Variants in LPAR1 observed in about 807,000 individuals in gnomAD.
LPAR1 encodes the protein lysophosphatidic acid receptor 1.
A neutral mutation model predicts 23.8 loss-of-function variants in LPAR1; 5 were observed. That is an observed-to-expected ratio of 0.21 (90% CI 0.11 to 0.44). The LOEUF (loss-of-function observed/expected upper bound fraction) is 0.44. Among genes scored for constraint, LPAR1 ranks in the 20% least tolerant of loss-of-function variants. The pLI, the probability that LPAR1 is intolerant of heterozygous loss-of-function variation, is 0.99. For synonymous variants in LPAR1, 160 were observed against 164.7 expected, an observed-to-expected ratio of 0.97 and a Z score of 0.22; for missense variants, 311 against 482.8, an observed-to-expected ratio of 0.64 and a Z score of 3.33.
chr9:110,941,031 AT>A lies in LPAR1; in HGVS notation c.793+389del. ...AATAACTATATATGGAAGCATATTCATATTCTACAAAAGCACTTTCTGTCTG... is the reference window on the plus strand; with the variant it reads ...AATAACTATATATGGAAGCATATTCAATTCTACAAAAGCACTTTCTGTCTG... On this transcript the variant is annotated intron_variant, in intron 5 of 5. Coordinates refer to ENST00000683809, the MANE Select transcript of LPAR1 (RefSeq NM_001351411.2). This position sits in a 1 kb window ranked among gnomAD's most constrained non-coding sequence, Gnocchi z 6.1. Among the ~76,000 whole-genome samples, 3 of 152,372 alleles carry A rather than the reference AT, an allele frequency of 2.0e-5. 1 individual carries two copies. In the South Asian group the frequency reaches 6.2e-4, roughly 32 times the overall value.
rs11356512 is a variant in LPAR1 at position 110,976,336 on chromosome 9, CAAAAAAA to C, written c.-181-2785_-181-2779del. On this transcript the variant is annotated intron_variant, in intron 2 of 5. Coordinates refer to ENST00000683809, the MANE Select transcript of LPAR1 (RefSeq NM_001351411.2). ...TGAAACCCCGTGTCTACTAAAAATA[CAAAAAAA>C]AAAAAAAAAAAATTTAGCCAGGCGT... is the stretch of plus-strand genomic sequence containing the variant. Among the ~76,000 whole-genome samples, 7 of 126,738 alleles carry C rather than the reference CAAAAAAA, an allele frequency of 5.5e-5. No homozygotes were observed. In the East Asian group the frequency reaches 8.3e-4, roughly 15 times the overall value. 83.1% of individuals were successfully genotyped at this position (126,738 alleles called of 152,430 possible).
chr9:110,938,700 A>AT (rs983923126), intron 5 of LPAR1, among the ~76,000 whole-genome samples: 2 of 125,680 alleles, frequency 1.6e-5, no homozygotes, highest in Admixed American at 1.7e-4. Context: ...CAAAAAAAAA[A>AT]GAAAAAAGAA....
At chr9:110,899,963 T>C (rs2088099312) in intron 5 of LPAR1, among the ~76,000 whole-genome samples, 1 of 152,222 alleles carries the variant, frequency 6.6e-6, no homozygotes, top group Non-Finnish European at 1.5e-5. Context: ...AATGTTTTCC[T>C]AGGGGCAAAG....
chr9:110,993,899 G>A (rs1388679588), intron 2 of LPAR1, among the ~76,000 whole-genome samples: 3 of 152,156 alleles, frequency 2.0e-5, no homozygotes, highest in Non-Finnish European at 2.9e-5. Flanking sequence ...GTACTCACTG[G>A]TCTAATTATT....
chr9:111,019,237 T>C (rs1015914885), intron 2 of LPAR1, among the ~76,000 whole-genome samples: 4 of 152,138 alleles, frequency 2.6e-5, no homozygotes, highest in South Asian at 4.1e-4. Context: ...TTTGGGAAGA[T>C]TGCTTGAGCC....
At chr9:110,974,355 T>C (rs1404158326) in intron 2 of LPAR1, among the ~76,000 whole-genome samples, 1 of 152,210 alleles carries the variant, frequency 6.6e-6, no homozygotes, top group Non-Finnish European at 1.5e-5. Flanking sequence ...ACTGTGGAGT[T>C]GGACATTTAA....
intron 2 of LPAR1, among the ~76,000 whole-genome samples, chr9:111,015,511 G>A (rs1389845332): frequency 6.6e-6 from 1 of 152,062 alleles, no homozygotes; most frequent in Admixed American, 6.6e-5. Flanking sequence ...AGAAGTAGAG[G>A]GTAGAATGAT....
At chr9:110,969,611 C>T (rs2096344904) in intron 4 of LPAR1, among the ~76,000 whole-genome samples, 1 of 151,746 alleles carries the variant, frequency 6.6e-6, no homozygotes, top group African/African-American at 2.4e-5. Flanking sequence ...ACTTGGGAGG[C>T]TGAGGCAGGA....
chr9:111,021,537 C>T (rs1416600419), intron 2 of LPAR1, among the ~76,000 whole-genome samples: 1 of 152,106 alleles, frequency 6.6e-6, no homozygotes, highest in Non-Finnish European at 1.5e-5. Context: ...TTAGATGCTG[C>T]ATATTTCTCC....
chr9:110,904,060 T>A (rs73655666), intron 5 of LPAR1, among the ~76,000 whole-genome samples: 17 of 152,150 alleles, frequency 1.1e-4, no homozygotes, highest in South Asian at 8.3e-4. Context: ...AAATTCTATA[T>A]CCAGGAAAAC....
chr9:110,893,214 A>G (rs1477425612), intron 5 of LPAR1, among the ~76,000 whole-genome samples: 3 of 152,212 alleles, frequency 2.0e-5, no homozygotes, highest in African/African-American at 4.8e-5. Flanking sequence ...TAAATGTACA[A>G]TGTCCTCTTT....
At chr9:110,981,026 T>C (rs999271797) in intron 2 of LPAR1, among the ~76,000 whole-genome samples, 10 of 152,130 alleles carry the variant, frequency 6.6e-5, no homozygotes, top group Non-Finnish European at 1.3e-4. Flanking sequence ...AGTAACTTTA[T>C]GTTTACATAT....
intron 5 of LPAR1, among the ~76,000 whole-genome samples, chr9:110,902,510 T>A (rs1255670781): frequency 6.6e-6 from 1 of 152,118 alleles, no homozygotes. Context: ...CCACTATGAT[T>A]GTTAAGTTTC....
intron 5 of LPAR1, among the ~76,000 whole-genome samples, chr9:110,920,035 T>C (rs984706075): frequency 2.0e-5 from 3 of 152,202 alleles, no homozygotes; most frequent in Non-Finnish European, 2.9e-5. Context: ...GAGGCAACGT[T>C]TCATTTCCAT....
intron 2 of LPAR1, among the ~76,000 whole-genome samples, chr9:111,009,134 T>G (rs2097276467): frequency 6.6e-6 from 1 of 152,178 alleles, no homozygotes; most frequent in Non-Finnish European, 1.5e-5. Flanking sequence ...GATAATATAT[T>G]AAAAATGACT....
intron 2 of LPAR1, among the ~76,000 whole-genome samples, chr9:111,008,914 T>C (rs966063758): frequency 6.6e-6 from 1 of 152,008 alleles, no homozygotes; most frequent in South Asian, 2.1e-4. Context: ...AGAGAAAAAG[T>C]TCCTAGAAAC....
At chr9:110,933,973 C>A (rs182764180) in intron 5 of LPAR1, among the ~76,000 whole-genome samples, 2 of 152,170 alleles carry the variant, frequency 1.3e-5, no homozygotes, top group Non-Finnish European at 2.9e-5. Flanking sequence ...TTGACCCAAG[C>A]CCAGGATGTG....
chr9:110,968,807 A>C (rs1023593062), intron 4 of LPAR1, among the ~76,000 whole-genome samples: 7 of 152,194 alleles, frequency 4.6e-5, no homozygotes, highest in Non-Finnish European at 8.8e-5. Flanking sequence ...GCACTGGGCA[A>C]TATGTGCCCA....
chr9:111,025,731 T>C (rs1195616143), intron 2 of LPAR1, among the ~76,000 whole-genome samples: 1 of 152,250 alleles, frequency 6.6e-6, no homozygotes, highest in East Asian at 1.9e-4. Context: ...GTATAAGGTG[T>C]AAGGAAGGGG....
Sources: gnomAD v4.1 joint callset for allele counts (sites outside exome capture counted in the v4.1 genomes callset) on GRCh38, gnomAD v4.1.1 for gene constraint, Gnocchi (gnomAD v3.1) non-coding constraint, MANE v1.5 for transcripts, NCBI Gene and HGNC (gene_info 2026-07-23, HGNC 2026-07-21) for gene names.